OCA2: variants seen among roughly 807,000 people sequenced by gnomAD.
OCA2 encodes the protein OCA2 melanosomal transmembrane protein.
In OCA2, 77 loss-of-function variants were observed where a neutral mutation model predicts 100.2. The observed-to-expected ratio is 0.77, with a 90% confidence interval of 0.64 to 0.93. The LOEUF (loss-of-function observed/expected upper bound fraction) is 0.93, where lower values mean the gene tolerates loss of function less well. Ranked by LOEUF, OCA2 falls within the 40% of genes least tolerant of loss-of-function variation. The pLI, the probability that OCA2 is intolerant of heterozygous loss-of-function variation, is 0.00. For missense variants in OCA2, 1,062 were observed against 1,089.1 expected, an observed-to-expected ratio of 0.98 and a Z score of 0.35; for synonymous variants, 432 against 439.2, an observed-to-expected ratio of 0.98 and a Z score of 0.21.
chr15:27,903,355 C>T (rs1397742570), intron 19 of OCA2, among the ~76,000 whole-genome samples: 1 of 152,232 alleles, frequency 6.6e-6, no homozygotes, highest in Non-Finnish European at 1.5e-5. Flanking sequence ...GCACCGCCAG[C>T]CACCCCTCCC....
At chr15:27,995,150 G>A (rs2041680686) in intron 9 of OCA2, among the ~76,000 whole-genome samples, 1 of 152,104 alleles carries the variant, frequency 6.6e-6, no homozygotes, top group African/African-American at 2.4e-5. Context: ...GATAAAGGGA[G>A]AAATTGAAAG....
the OCA2 span, among the ~76,000 whole-genome samples, chr15:27,724,821 T>TC: frequency 1.3e-5 from 2 of 151,744 alleles, no homozygotes; most frequent in Non-Finnish European, 1.5e-5. Flanking sequence ...ACGCTTTTTT[T>TC]TTTTTACCCC....
chr15:28,090,180 C>G (rs2044848197), intron 1 of OCA2, among the ~76,000 whole-genome samples: 1 of 152,120 alleles, frequency 6.6e-6, no homozygotes, highest in Admixed American at 6.6e-5. Context: ...CACAAAACAA[C>G]AGAGCTGCAA....
chr15:28,074,829 A>C (rs1381850128), intron 2 of OCA2, among the ~76,000 whole-genome samples: 1 of 152,250 alleles, frequency 6.6e-6, no homozygotes, highest in African/African-American at 2.4e-5. Context: ...CTGGGCACAG[A>C]GCGAGACTCC....
chr15:27,894,314 G>T (rs917391143), intron 19 of OCA2, among the ~76,000 whole-genome samples: 1 of 152,172 alleles, frequency 6.6e-6, no homozygotes, highest in Admixed American at 6.5e-5. Flanking sequence ...CACAGCCTCT[G>T]TTGCCCTGTG....
At chr15:27,832,889 T>C (rs1453323830) in intron 23 of OCA2, among the ~76,000 whole-genome samples, 3 of 150,010 alleles carry the variant, frequency 2.0e-5, no homozygotes, top group African/African-American at 7.4e-5. Context: ...CTCGGGTCAC[T>C]GCACCCTCTG....
rs200620666 is a variant in OCA2, at chr15:27,759,777, TTC to T, written c.2433-4307_2433-4306del. ...CCACTATTATAGATGGAGACTTTTA[TTC>T]TCTCTCTCTGTAATTCATGGAAGAA... is the stretch of plus-strand genomic sequence containing the variant. On this transcript the variant is annotated intron_variant, in intron 23 of 23. Transcript: ENST00000354638. Among the ~76,000 whole-genome samples, 603 of 152,238 alleles carry T rather than the reference TTC, an allele frequency of 4.0e-3. 6 individuals are homozygous for T. Among genetic ancestry groups the T allele is most frequent in the African/African-American group, 0.014 (578 of 41,562 alleles).
intron 18 of OCA2, among the ~76,000 whole-genome samples, chr15:27,939,927 G>A (rs1044119512): frequency 4.6e-5 from 7 of 152,146 alleles, no homozygotes; most frequent in Admixed American, 2.0e-4. Context: ...TGTGGTCCTC[G>A]GGAACCACCC....
chr15:28,013,931 G>T (rs1447370361), intron 9 of OCA2, among the ~76,000 whole-genome samples: 2 of 152,194 alleles, frequency 1.3e-5, no homozygotes, highest in Admixed American at 1.3e-4. Flanking sequence ...AGTGGTCCTT[G>T]TTAGACAGGT....
chr15:27,852,751 A>T (rs1297207094), intron 21 of OCA2, among the ~76,000 whole-genome samples: 7 of 148,564 alleles, frequency 4.7e-5, no homozygotes, highest in Admixed American at 4.0e-4. Context: ...CCCCATCAAA[A>T]AGTGGGCAAA....
At chr15:28,024,534 C>T (rs1232324728) in intron 5 of OCA2, among the ~76,000 whole-genome samples, 3 of 152,212 alleles carry the variant, frequency 2.0e-5, no homozygotes, top group Non-Finnish European at 2.9e-5. Flanking sequence ...CAGGGCTGAA[C>T]AGGGAAGTGG....
intron 2 of OCA2, among the ~76,000 whole-genome samples, chr15:28,067,260 TC>T (rs2044052743): frequency 6.6e-6 from 1 of 152,240 alleles, no homozygotes; most frequent in Non-Finnish European, 1.5e-5. Flanking sequence ...TCTTTCTCTT[TC>T]TTTGTTAATC....
intron 21 of OCA2, among the ~76,000 whole-genome samples, chr15:27,864,115 C>T (rs2036235730): frequency 1.3e-5 from 2 of 152,136 alleles, no homozygotes; most frequent in South Asian, 2.1e-4. Context: ...ATCCATTGTG[C>T]ACCTGTCCGG....
chr15:27,770,998 T>TC (rs764698528), intron 23 of OCA2, among the ~76,000 whole-genome samples: 2 of 29,010 alleles, frequency 6.9e-5, no homozygotes, highest in African/African-American at 2.6e-4. Flanking sequence ...TTCCTTCCCT[T>TC]CCTTCCTTCC....
At chr15:27,940,601 A>C (rs529458549) in intron 18 of OCA2, among the ~76,000 whole-genome samples, 1 of 152,374 alleles carries the variant, frequency 6.6e-6, no homozygotes, top group African/African-American at 2.4e-5. Context: ...CCAAGACAGC[A>C]GGGCCAGTGT....
At position 27,871,277 on chromosome 15, in the gene OCA2, C is replaced by A; in HGVS notation, c.2140-19G>T. ...GGACCATCTGGAAGGAGGACAATAGCAGCTGCAGTGTTCCATCGCATGCAC... is the reference window on the plus strand; with the variant it reads ...GGACCATCTGGAAGGAGGACAATAGAAGCTGCAGTGTTCCATCGCATGCAC... On this transcript the variant is annotated intron_variant, in intron 20 of 23. Transcript: ENST00000354638. The A allele has an allele frequency of 6.3e-7, 1 of 1,586,414 alleles. No homozygotes were observed.
intron 2 of OCA2, among the ~76,000 whole-genome samples, chr15:28,054,388 G>A (rs1353518688): frequency 6.6e-6 from 1 of 152,156 alleles, no homozygotes; most frequent in Non-Finnish European, 1.5e-5. Context: ...CTCTGGAGAT[G>A]GCCAAATGGC....
chr15:27,941,060 T>C (rs1031180881), intron 18 of OCA2, among the ~76,000 whole-genome samples: 7 of 152,228 alleles, frequency 4.6e-5, no homozygotes, highest in African/African-American at 1.7e-4. Context: ...CCAATATTTC[T>C]AATAATTCTG....
chr15:27,771,586 G>A (rs572140225), intron 23 of OCA2, among the ~76,000 whole-genome samples: 2 of 152,298 alleles, frequency 1.3e-5, no homozygotes, highest in East Asian at 1.9e-4. Flanking sequence ...GGCAAAGAGA[G>A]GAGAATGGGC....
Sources: allele counts gnomAD v4.1 joint callset (sites outside exome capture counted in the v4.1 genomes callset), GRCh38; gene constraint gnomAD v4.1.1; transcripts MANE v1.5; gene names NCBI Gene and HGNC (gene_info 2026-07-23, HGNC 2026-07-21).